The following TMEM132C variants were observed in gnomAD, a reference collection of about 807,000 sequenced individuals.
The protein encoded by TMEM132C is transmembrane protein 132C.
Under a neutral mutation model 61.4 loss-of-function variants are expected in TMEM132C, and 29 were observed. The observed-to-expected ratio is 0.47, with a 90% CI of 0.35 to 0.64. The LOEUF (loss-of-function observed/expected upper bound fraction) is 0.64, where lower values mean the gene tolerates loss of function less well. Ranked by LOEUF, TMEM132C falls within the 30% of genes least tolerant of loss-of-function variation. TMEM132C has a pLI of 0.00. For synonymous variants in TMEM132C, 656 were observed against 633.1 expected, an observed-to-expected ratio of 1.04 and a Z score of -0.54; for missense variants, 1,408 against 1,476.9, an observed-to-expected ratio of 0.95 and a Z score of 0.76.
intron 3 of TMEM132C, among the ~76,000 whole-genome samples, chr12:128,578,392 C>T (rs1875202052): frequency 6.6e-6 from 1 of 152,180 alleles, no homozygotes; most frequent in African/African-American, 2.4e-5. Context: ...GTCTGAGCTC[C>T]CCGGGTACCC....
At chr12:128,341,454 G>A (rs1267442928) in intron 1 of TMEM132C, among the ~76,000 whole-genome samples, 1 of 152,120 alleles carries the variant, frequency 6.6e-6, no homozygotes, top group African/African-American at 2.4e-5. Context: ...TATTTTACTC[G>A]AATGGATTTA....
intron 5 of TMEM132C, among the ~76,000 whole-genome samples, chr12:128,687,390 C>T (rs936993300): frequency 3.3e-5 from 5 of 152,102 alleles, no homozygotes; most frequent in South Asian, 2.1e-4. Flanking sequence ...CCCTAGATAC[C>T]GGTTGCAAAT....
At chr12:128,555,204 T>G (rs1297816843) in intron 3 of TMEM132C, among the ~76,000 whole-genome samples, 2 of 152,174 alleles carry the variant, frequency 1.3e-5, no homozygotes, top group African/African-American at 4.8e-5. Flanking sequence ...AAATGCCCAT[T>G]AGTATTCCTT....
At chr12:128,665,855 A>ACC (rs1954460509) in intron 4 of TMEM132C, among the ~76,000 whole-genome samples, 1 of 148,290 alleles carries the variant, frequency 6.7e-6, no homozygotes, top group Non-Finnish European at 1.5e-5. Context: ...GCACACACAC[A>ACC]CACATACACA....
chr12:128,556,888 A>G (rs1874350268), intron 3 of TMEM132C, among the ~76,000 whole-genome samples: 1 of 152,144 alleles, frequency 6.6e-6, no homozygotes, highest in Non-Finnish European at 1.5e-5. Context: ...ACACCCAGCT[A>G]AGCCCTTCCA....
intron 4 of TMEM132C, among the ~76,000 whole-genome samples, chr12:128,642,334 G>T (rs143723026): frequency 0.012 from 1,792 of 152,150 alleles, 35 homozygotes; most frequent in African/African-American, 0.041. Flanking sequence ...GTTTCACTGT[G>T]TTGCCCAGGC....
chr12:128,302,837 C>T (rs1385723150), intron 1 of TMEM132C, among the ~76,000 whole-genome samples: 2 of 152,176 alleles, frequency 1.3e-5, no homozygotes, highest in African/African-American at 2.4e-5. Flanking sequence ...AATGGATTAA[C>T]CCTGGTGAAC....
chr12:128,546,823 A>T (rs76061776), intron 3 of TMEM132C, among the ~76,000 whole-genome samples: 2,218 of 152,286 alleles, frequency 0.015, 26 homozygotes, highest in Non-Finnish European at 0.023. Context: ...CCTTCACTTA[A>T]TCACATCTGC....
chr12:128,340,627 G>A (rs1313919376), intron 1 of TMEM132C, among the ~76,000 whole-genome samples: 1 of 152,110 alleles, frequency 6.6e-6, no homozygotes, highest in Non-Finnish European at 1.5e-5. Flanking sequence ...GTTCTGCAAG[G>A]ACAAGATGAA....
intron 4 of TMEM132C, among the ~76,000 whole-genome samples, chr12:128,658,517 T>C (rs958204948): frequency 2.0e-5 from 3 of 152,144 alleles, no homozygotes; most frequent in African/African-American, 7.2e-5. Flanking sequence ...TGATCTTTTT[T>C]TTTTTCCTGT....
intron 1 of TMEM132C, among the ~76,000 whole-genome samples, chr12:128,384,249 G>A (rs947470540): frequency 1.3e-5 from 2 of 152,160 alleles, no homozygotes; most frequent in African/African-American, 4.8e-5. Flanking sequence ...TTTGGGAGGT[G>A]GTGAGCATGG....
chr12:128,279,090 C>A (rs1458580061), intron 1 of TMEM132C, among the ~76,000 whole-genome samples: 2 of 152,056 alleles, frequency 1.3e-5, no homozygotes, highest in African/African-American at 4.8e-5. Flanking sequence ...TTCTATTTCC[C>A]AGGAGAACCC....
At chr12:128,309,297 G>A (rs893914297) in intron 1 of TMEM132C, among the ~76,000 whole-genome samples, 6 of 152,080 alleles carry the variant, frequency 3.9e-5, no homozygotes, top group African/African-American at 4.8e-5. Flanking sequence ...CTATTCTTAC[G>A]GATCCTCAGG....
intron 4 of TMEM132C, among the ~76,000 whole-genome samples, chr12:128,642,026 C>T (rs1954161904): frequency 6.8e-6 from 1 of 146,360 alleles, no homozygotes; most frequent in Non-Finnish European, 1.5e-5. Flanking sequence ...TCAGGCTGAT[C>T]TCAAACTCCT....
At position 128,630,122 on chromosome 12, in the gene TMEM132C, C is replaced by T. The variant is rs1168888802; in HGVS notation, c.1305+13787C>T. ...TTGAACTTGAGCAGGGACAGCATGG[C>T]CTTGGGGACTTGGGAAAGCCTGGGT... On this transcript the variant is annotated intron_variant, in intron 4 of 8. Coordinates refer to ENST00000435159, the MANE Select transcript of TMEM132C (RefSeq NM_001136103.3). The surrounding 1 kb of genome is among the most constrained non-coding windows in gnomAD (Gnocchi z 4.3). 1.3e-5 allele frequency among the ~76,000 whole-genome samples: 2 copies of T among 152,052 alleles called. No homozygotes were observed. Among genetic ancestry groups the T allele is most frequent in the African/African-American group, 4.8e-5 (2 of 41,416 alleles).
At chr12:128,320,800 T>A in intron 1 of TMEM132C, among the ~76,000 whole-genome samples, 2 of 136,148 alleles carry the variant, frequency 1.5e-5, no homozygotes, top group Non-Finnish European at 1.6e-5. Context: ...CAAAAAAAGG[T>A]GAAGATAAAT....
chr12:128,568,929 G>A (rs1473036963), intron 3 of TMEM132C, among the ~76,000 whole-genome samples: 2 of 152,174 alleles, frequency 1.3e-5, no homozygotes, highest in Non-Finnish European at 2.9e-5. Context: ...AATATTTACT[G>A]AGATCCTTCT....
intron 1 of TMEM132C, among the ~76,000 whole-genome samples, chr12:128,334,222 C>T (rs1872736266): frequency 6.6e-6 from 1 of 152,214 alleles, no homozygotes; most frequent in Non-Finnish European, 1.5e-5. Context: ...AAGGTGGCAG[C>T]AGTTACATAA....
At chr12:128,418,194 G>A (rs185127543) in intron 2 of TMEM132C, among the ~76,000 whole-genome samples, 4 of 152,260 alleles carry the variant, frequency 2.6e-5, no homozygotes, top group East Asian at 3.9e-4. Flanking sequence ...AGCAGCAGAC[G>A]TTCCCCAAAC....
Sources: allele counts gnomAD v4.1 joint callset (sites outside exome capture counted in the v4.1 genomes callset), GRCh38; gene constraint gnomAD v4.1.1; non-coding constraint Gnocchi (gnomAD v3.1); transcripts MANE v1.5; gene names NCBI Gene and HGNC (gene_info 2026-07-23, HGNC 2026-07-21).